LRP6: variants seen among roughly 807,000 people sequenced by gnomAD.
The protein encoded by LRP6 is LDL receptor related protein 6.
LRP6 carries 43 observed loss-of-function variants against 184.1 expected under a neutral mutation model. The ratio of observed to expected loss-of-function variants is 0.23; its 90% CI spans 0.18 to 0.30. LRP6 has a LOEUF of 0.30. Among genes scored for constraint, LRP6 ranks in the 10% least tolerant of loss-of-function variants. The pLI is 1.00. For synonymous variants in LRP6, 719 were observed against 684.9 expected (o/e 1.05, Z -0.78); for missense variants, 1,571 against 2,005.3 (o/e 0.78, Z 4.14).
At chr12:12,154,599 A>G (rs147410182) in intron 12 of LRP6, among the ~76,000 whole-genome samples, 1 of 152,310 alleles carries the variant, frequency 6.6e-6, no homozygotes, top group African/African-American at 2.4e-5. Flanking sequence ...GCGCAGTGGC[A>G]TGTGCTCGTA....
intron 16 of LRP6, 35 bp from the exon 17 acceptor site, chr12:12,135,335 G>C: frequency 1.4e-6 from 2 of 1,478,744 alleles, no homozygotes; most frequent in Middle Eastern, 3.4e-4. Context: ...GGGAGAGGAG[G>C]GGGAGTGGAG....
intron 6 of LRP6, 121 bp from the exon 7 acceptor site, chr12:12,180,102 G>T: frequency 1.8e-5 from 10 of 557,460 alleles, no homozygotes; most frequent in Non-Finnish European, 3.1e-5. Flanking sequence ...CAAGGAAGGG[G>T]AAAAAAAAAA....
intron 7 of LRP6, among the ~76,000 whole-genome samples, chr12:12,168,169 C>G (rs1420217849): frequency 1.3e-5 from 2 of 152,160 alleles, no homozygotes; most frequent in African/African-American, 4.8e-5. Flanking sequence ...AAATGCAAAC[C>G]ACCATGATAG....
At chr12:12,150,129 A>C (rs1012223854) in intron 13 of LRP6, among the ~76,000 whole-genome samples, 1 of 151,312 alleles carries the variant, frequency 6.6e-6, no homozygotes, top group African/African-American at 2.4e-5. Context: ...GTAATTATTT[A>C]TAGTATTATA....
intron 2 of LRP6, among the ~76,000 whole-genome samples, chr12:12,212,827 A>G (rs1473275797): frequency 1.3e-5 from 2 of 152,078 alleles, no homozygotes; most frequent in African/African-American, 4.8e-5. Flanking sequence ...AAATACATCA[A>G]AATTAGTTTC....
chr12:12,125,461 G>A (rs1565527960), intron 20 of LRP6, 29 bp from the exon 21 acceptor site: 1 of 1,600,336 alleles, frequency 6.2e-7, no homozygotes, highest in Non-Finnish European at 8.6e-7. Flanking sequence ...AAAAACTGAA[G>A]ATGAGTATGA....
chr12:12,179,621 T>A (rs560380809), intron 7 of LRP6, among the ~76,000 whole-genome samples, 189 bp downstream of exon 7: 9 of 152,180 alleles, frequency 5.9e-5, no homozygotes, highest in African/African-American at 2.2e-4. Flanking sequence ...CATCTCTCCA[T>A]CCTAGGATTA....
At chr12:12,142,380 G>A (rs896217109) in intron 15 of LRP6, among the ~76,000 whole-genome samples, 3 of 152,130 alleles carry the variant, frequency 2.0e-5, no homozygotes, top group African/African-American at 7.2e-5. Context: ...TTTGATGCTG[G>A]TGAAAAATAA....
At position 12,130,781 on chromosome 12, in the gene LRP6, A is replaced by C; in HGVS notation, c.4081+2T>G. On this transcript the variant is annotated splice_donor_variant, in intron 19 of 22. Transcript: ENST00000261349. LOFTEE classifies it high-confidence loss of function. ...TAATTTATAGATCTCAGTCCTACTT[A>C]CAACAATCCAGTTCATCTGACTTGT... The C allele has an allele frequency of 6.3e-7, 1 of 1,590,698 alleles. No homozygotes were observed. The highest frequency in any genetic ancestry group is 8.6e-7 in the Non-Finnish European group (1 of 1,158,674).
intron 19 of LRP6, among the ~76,000 whole-genome samples, chr12:12,129,990 G>A (rs1264604800): frequency 6.6e-6 from 1 of 152,016 alleles, no homozygotes; most frequent in Admixed American, 6.6e-5. Flanking sequence ...CATAATCAAT[G>A]TATCTACTAT....
At chr12:12,178,726 G>A (rs1276714304) in intron 7 of LRP6, among the ~76,000 whole-genome samples, 3 of 152,152 alleles carry the variant, frequency 2.0e-5, no homozygotes, top group African/African-American at 7.2e-5. Context: ...TACTAACAGG[G>A]AGAAAATTTA....
chr12:12,203,138 C>T, intron 3 of LRP6, 65 bp downstream of exon 3: 1 of 1,135,218 alleles, frequency 8.8e-7, no homozygotes, highest in Non-Finnish European at 1.3e-6. Flanking sequence ...TAAAATTAGG[C>T]TTTGTAATGT....
chr12:12,234,275 G>A (rs924373406), intron 2 of LRP6, among the ~76,000 whole-genome samples: 7 of 150,276 alleles, frequency 4.7e-5, no homozygotes, highest in East Asian at 2.0e-4. Flanking sequence ...CAACAAGAGC[G>A]AAACTCCATC....
intron 2 of LRP6, among the ~76,000 whole-genome samples, chr12:12,205,530 AATG>A (rs1421352265): frequency 2.6e-5 from 4 of 152,102 alleles, no homozygotes; most frequent in African/African-American, 9.7e-5. Context: ...TACTCAAAGA[AATG>A]ATGAGGAGAA....
intron 1 of LRP6, among the ~76,000 whole-genome samples, chr12:12,261,368 A>C (rs1025013590): frequency 6.7e-6 from 1 of 149,944 alleles, no homozygotes; most frequent in Non-Finnish European, 1.5e-5. Context: ...ACGCCGCTGC[A>C]CTCCAGCCTG....
Position 12,164,382 on chromosome 12 carries a change from T to C in LRP6, c.1943A>G (p.Glu648Gly). The C allele has an allele frequency of 6.2e-7, 1 of 1,614,150 alleles. No homozygotes were observed. Among genetic ancestry groups the C allele is most frequent in the Admixed American group, 1.7e-5 (1 of 60,010 alleles). Residue 648 changes from glutamate to glycine, a missense_variant, in exon 9 of 23, where the codon GAA (glutamate) becomes GGA (glycine). This residue lies in a region of LRP6 where 640 missense variants were observed against 851.9 expected (regional missense o/e 0.75). Coordinates refer to ENST00000261349, the MANE Select transcript of LRP6 (RefSeq NM_002336.3). ...RRADIRRISLETNNNNVAIPL... is the reference protein window; with the variant it reads ...RRADIRRISLGTNNNNVAIPL... ...AATAGCCACATTATTATTGTTTGTT[T>C]CCAGAGAAATTCGTCTGATATCTGC...
chr12:12,116,774 T>A lies in LRP6; in HGVS notation c.*4352A>T, dbSNP rs2136813731. ...TTTTTTTCAGCAATAAACTCAACAA[T>A]TTGAGAATGCTTTATGAAAAAGAAA... On this transcript the variant is annotated 3_prime_UTR_variant, in exon 23 of 23. Transcript: ENST00000261349. 1 of 152,208 alleles carries A rather than the reference T, an allele frequency of 6.6e-6. No homozygotes were observed. The highest frequency in any genetic ancestry group is 2.4e-5 in the African/African-American group (1 of 41,520). The allele number at this position is 152,208 out of a possible 1,614,324, so 9.4% of individuals were successfully genotyped here.
intron 6 of LRP6, among the ~76,000 whole-genome samples, chr12:12,180,408 G>T (rs1287495131): frequency 2.0e-5 from 3 of 152,078 alleles, no homozygotes; most frequent in Non-Finnish European, 2.9e-5. Flanking sequence ...GCAGTGCTAA[G>T]TGATTCTTAC....
At chr12:12,182,358 C>T (rs1863365135) in intron 5 of LRP6, among the ~76,000 whole-genome samples, 1 of 152,112 alleles carries the variant, frequency 6.6e-6, no homozygotes, top group African/African-American at 2.4e-5. Flanking sequence ...TATTTATGAA[C>T]TGTTTAAAGC....
Sources: allele counts gnomAD v4.1 joint callset (sites outside exome capture counted in the v4.1 genomes callset), GRCh38; gene constraint gnomAD v4.1.1; regional missense constraint gnomAD v4.1.1; transcripts MANE v1.5; gene names NCBI Gene and HGNC (gene_info 2026-07-23, HGNC 2026-07-21).